Variants in PLXDC2 observed in about 807,000 individuals in gnomAD.
PLXDC2 encodes plexin domain containing 2.
A neutral mutation model predicts 68.9 loss-of-function variants in PLXDC2; 40 were observed. The observed-to-expected ratio is 0.58, with a 90% CI of 0.45 to 0.76. The LOEUF (loss-of-function observed/expected upper bound fraction) is 0.76. Among genes scored for constraint, PLXDC2 ranks in the 30% least tolerant of loss-of-function variants. PLXDC2 has a pLI of 0.00. For synonymous variants in PLXDC2, 243 were observed against 234.2 expected (o/e 1.04, Z -0.34); for missense variants, 644 against 661.9 (o/e 0.97, Z 0.30).
intron 2 of PLXDC2, among the ~76,000 whole-genome samples, chr10:20,014,922 A>G (rs112929541): frequency 2.6e-5 from 4 of 152,298 alleles, no homozygotes; most frequent in African/African-American, 9.6e-5. Flanking sequence ...TCACTGGTGA[A>G]TGCAAATTGC....
intron 1 of PLXDC2, among the ~76,000 whole-genome samples, chr10:19,840,009 A>G (rs1836874107): frequency 6.6e-6 from 1 of 152,160 alleles, no homozygotes; most frequent in Admixed American, 6.6e-5. Context: ...CAAAAACTAA[A>G]TGTTAACTAA....
intron 4 of PLXDC2, among the ~76,000 whole-genome samples, chr10:20,073,124 T>G (rs1321178854): frequency 2.6e-5 from 4 of 152,212 alleles, no homozygotes; most frequent in Non-Finnish European, 5.9e-5. Flanking sequence ...CAGTTCTTTT[T>G]GTGTTTACAA....
chr10:19,892,108 C>T (rs1277820862), intron 1 of PLXDC2, among the ~76,000 whole-genome samples: 2 of 152,124 alleles, frequency 1.3e-5, no homozygotes, highest in African/African-American at 4.8e-5. Flanking sequence ...CTGTAAAAAT[C>T]ATATATACCT....
intron 6 of PLXDC2, among the ~76,000 whole-genome samples, chr10:20,156,138 A>G (rs1190031927): frequency 6.6e-6 from 1 of 152,068 alleles, no homozygotes; most frequent in African/African-American, 2.4e-5. Context: ...TGTTTAGATA[A>G]GTTTCCTTAT....
chr10:20,243,878 G>A (rs1835552969), intron 12 of PLXDC2, among the ~76,000 whole-genome samples: 1 of 152,014 alleles, frequency 6.6e-6, no homozygotes, highest in East Asian at 1.9e-4. Flanking sequence ...GGCCAACATG[G>A]TTTAACCCCA....
intron 9 of PLXDC2, among the ~76,000 whole-genome samples, chr10:20,194,847 T>A (rs1426536432): frequency 7.4e-6 from 1 of 134,608 alleles, no homozygotes; most frequent in Non-Finnish European, 1.5e-5. Flanking sequence ...TAACAGACAA[T>A]GTTCTGCTGA....
rs555736156 is a variant in PLXDC2, at chr10:20,079,565, A to G, written c.541+11326A>G. ...CCATCAATGATTGACTGGATAAAGA[A>G]AATGTGGCACATATACACCATGGAA... On this transcript the variant is annotated intron_variant, in intron 4 of 13. Coordinates refer to ENST00000377252, the MANE Select transcript of PLXDC2 (RefSeq NM_032812.9). 7.2e-4 allele frequency among the ~76,000 whole-genome samples: 110 copies of G among 152,348 alleles called. 1 individual carries two copies. The highest frequency in any genetic ancestry group is 2.6e-3 in the African/African-American group (108 of 41,584).
At chr10:19,922,955 C>A (rs1043351868) in intron 1 of PLXDC2, among the ~76,000 whole-genome samples, 1 of 152,030 alleles carries the variant, frequency 6.6e-6, no homozygotes, top group African/African-American at 2.4e-5. Flanking sequence ...TTTTAAAATT[C>A]TTAATTTTGA....
At position 20,154,302 on chromosome 10, in the gene PLXDC2, C is replaced by T. The variant is rs376991797; in HGVS notation, c.783+6400C>T. Reference sequence around the variant, plus strand: ...TCCAATGGCCGGGTACGGTGGCTCACGCCTGTGATCCCAGCACTTTGGGAG... The same window carrying T: ...TCCAATGGCCGGGTACGGTGGCTCATGCCTGTGATCCCAGCACTTTGGGAG... On this transcript the variant is annotated intron_variant, in intron 6 of 13. Transcript: ENST00000377252. Among the ~76,000 whole-genome samples the T allele has an allele frequency of 2.7e-3, 406 of 152,268 alleles. 3 individuals carry two copies. The highest frequency in any genetic ancestry group is 9.5e-3 in the African/African-American group (395 of 41,570).
intron 1 of PLXDC2, among the ~76,000 whole-genome samples, chr10:19,843,054 T>C (rs1169794406): frequency 6.7e-6 from 1 of 148,618 alleles, no homozygotes; most frequent in East Asian, 1.9e-4. Context: ...TTTTAACTTA[T>C]GTCATATTTT....
At chr10:20,159,588 C>G (rs1218870695) in intron 6 of PLXDC2, among the ~76,000 whole-genome samples, 2 of 152,144 alleles carry the variant, frequency 1.3e-5, no homozygotes, top group Non-Finnish European at 2.9e-5. Context: ...AAAGGAATGT[C>G]CTTTCCTCTG....
intron 1 of PLXDC2, among the ~76,000 whole-genome samples, chr10:19,986,020 G>A (rs117132017): frequency 2.0e-5 from 3 of 152,240 alleles, no homozygotes; most frequent in East Asian, 1.9e-4. Context: ...TTTTGGCTGG[G>A]GCTTCTGCAA....
intron 9 of PLXDC2, among the ~76,000 whole-genome samples, chr10:20,209,864 G>A (rs142627744): frequency 7.9e-5 from 12 of 152,252 alleles, no homozygotes; most frequent in African/African-American, 2.6e-4. Flanking sequence ...GAGGTGATAA[G>A]TGTCCATGAA....
At chr10:19,901,500 C>G (rs1416653376) in intron 1 of PLXDC2, among the ~76,000 whole-genome samples, 1 of 152,030 alleles carries the variant, frequency 6.6e-6, no homozygotes, top group Non-Finnish European at 1.5e-5. Flanking sequence ...TATTCGTGTC[C>G]TTAGCCTACT....
At chr10:20,046,763 G>T in intron 2 of PLXDC2, 106 bp from the exon 3 acceptor site, 2 of 1,109,602 alleles carry the variant, frequency 1.8e-6, no homozygotes, top group Non-Finnish European at 2.5e-6. Context: ...AAATCATTTT[G>T]CTCTTTTAAA....
chr10:20,248,176 G>A (rs913218250), intron 13 of PLXDC2, among the ~76,000 whole-genome samples: 2 of 152,192 alleles, frequency 1.3e-5, no homozygotes, highest in African/African-American at 4.8e-5. Context: ...GGTATTAGCA[G>A]CAAATTGCAT....
intron 2 of PLXDC2, among the ~76,000 whole-genome samples, chr10:20,021,836 T>C (rs1835314997): frequency 6.6e-6 from 1 of 152,000 alleles, no homozygotes; most frequent in Non-Finnish European, 1.5e-5. Flanking sequence ...GTAGCTGGGA[T>C]TACAGGCATG....
chr10:20,078,274 T>A (rs10437425), intron 4 of PLXDC2, among the ~76,000 whole-genome samples: 7 of 151,972 alleles, frequency 4.6e-5, no homozygotes, highest in East Asian at 1.9e-4. Context: ...TCCCAGCTTC[T>A]CAGGAGGCTG....
At chr10:19,974,105 A>G (rs1336284809) in intron 1 of PLXDC2, among the ~76,000 whole-genome samples, 4 of 152,248 alleles carry the variant, frequency 2.6e-5, no homozygotes, top group Non-Finnish European at 4.4e-5. Flanking sequence ...GGTGGAAAGC[A>G]ACTTTGATAG....
Sources: allele counts gnomAD v4.1 joint callset (sites outside exome capture counted in the v4.1 genomes callset), GRCh38; gene constraint gnomAD v4.1.1; transcripts MANE v1.5; gene names NCBI Gene and HGNC (gene_info 2026-07-23, HGNC 2026-07-21).